SLC24A2: variants seen among roughly 807,000 people sequenced by gnomAD.
SLC24A2 encodes solute carrier family 24 member 2.
Under a neutral mutation model 62.0 loss-of-function variants are expected in SLC24A2, and 36 were observed. The ratio of observed to expected loss-of-function variants is 0.58; its 90% confidence interval spans 0.44 to 0.77. The LOEUF is 0.77. Ranked by LOEUF, SLC24A2 falls within the 30% of genes least tolerant of loss-of-function variation. The probability of loss-of-function intolerance (pLI) is 0.00; values close to 1 mark genes in which losing one functional copy is unlikely to be tolerated. For synonymous variants in SLC24A2, 358 were observed against 294.0 expected (o/e 1.22, Z -2.23); for missense variants, 846 against 817.9 (o/e 1.03, Z -0.42).
At chr9:19,995,546 C>T in the SLC24A2 span, among the ~76,000 whole-genome samples, 1 of 152,202 alleles carries the variant, frequency 6.6e-6, no homozygotes, top group Non-Finnish European at 1.5e-5. Context: ...AGCCAACTCC[C>T]TCCTACTAGC....
intron 7 of SLC24A2, among the ~76,000 whole-genome samples, chr9:19,553,309 T>C (rs1834932124): frequency 6.6e-6 from 1 of 152,182 alleles, no homozygotes; most frequent in Non-Finnish European, 1.5e-5. Flanking sequence ...TTTCCAACTT[T>C]TCCTAGAGTT....
the SLC24A2 span, among the ~76,000 whole-genome samples, chr9:19,827,202 TCAGC>T: frequency 2.6e-5 from 4 of 152,172 alleles, no homozygotes; most frequent in Admixed American, 6.5e-5. Flanking sequence ...AGGCCGTGCA[TCAGC>T]TTTGGTCTGT....
chr9:20,261,071 G>A, the SLC24A2 span, among the ~76,000 whole-genome samples: 1 of 151,742 alleles, frequency 6.6e-6, no homozygotes, highest in African/African-American at 2.4e-5. Flanking sequence ...GGCCAGGATG[G>A]TCTCGATCTC....
chr9:19,883,432 G>C, the SLC24A2 span, among the ~76,000 whole-genome samples: 11 of 152,134 alleles, frequency 7.2e-5, no homozygotes. Flanking sequence ...CCAGACTGTA[G>C]CATTTTGTAG....
chr9:19,724,054 C>A (rs968964400), intron 2 of SLC24A2, among the ~76,000 whole-genome samples: 4 of 152,116 alleles, frequency 2.6e-5, no homozygotes, highest in African/African-American at 9.7e-5. Context: ...AATGTCAACA[C>A]CATTATAATT....
the SLC24A2 span, among the ~76,000 whole-genome samples, chr9:20,090,101 C>A: frequency 6.6e-6 from 1 of 152,100 alleles, no homozygotes; most frequent in East Asian, 1.9e-4. Context: ...AGCAGCTGAC[C>A]CAAGGAGAGG....
the SLC24A2 span, among the ~76,000 whole-genome samples, chr9:20,249,868 C>A: frequency 5.9e-5 from 9 of 152,114 alleles, no homozygotes; most frequent in Non-Finnish European, 1.2e-4. Context: ...CTCTTACACC[C>A]AGAAAATAAG....
intron 2 of SLC24A2, among the ~76,000 whole-genome samples, chr9:19,684,324 G>A (rs1819813078): frequency 1.3e-5 from 2 of 152,054 alleles, no homozygotes; most frequent in South Asian, 2.1e-4. Flanking sequence ...CCTCTTCAAG[G>A]AAGTTCTTCT....
chr9:19,552,414 G>A (rs964112511), intron 7 of SLC24A2, among the ~76,000 whole-genome samples: 1 of 152,166 alleles, frequency 6.6e-6, no homozygotes, highest in African/African-American at 2.4e-5. Flanking sequence ...TAACCCAAAT[G>A]AATGACTTTC....
At chr9:19,649,295 CT>C (rs973125792) in intron 2 of SLC24A2, among the ~76,000 whole-genome samples, 17 of 149,554 alleles carry the variant, frequency 1.1e-4, no homozygotes, top group South Asian at 2.1e-4. Context: ...AAGTATTCAA[CT>C]TTTTTTTTTC....
chr9:19,771,016 G>A (rs1435758293), intron 2 of SLC24A2, among the ~76,000 whole-genome samples: 5 of 152,242 alleles, frequency 3.3e-5, no homozygotes, highest in East Asian at 1.9e-4. Flanking sequence ...ATGGTGGTAC[G>A]GTATTCTAAG....
At chr9:19,664,132 A>C (rs1424169959) in intron 2 of SLC24A2, among the ~76,000 whole-genome samples, 1 of 152,222 alleles carries the variant, frequency 6.6e-6, no homozygotes, top group East Asian at 1.9e-4. Context: ...CCCTTGGATA[A>C]ACCTAAAATC....
At chr9:19,902,065 G>A in the SLC24A2 span, among the ~76,000 whole-genome samples, 1 of 152,172 alleles carries the variant, frequency 6.6e-6, no homozygotes, top group Admixed American at 6.5e-5. Context: ...CCCTTGCCTG[G>A]CACAGCCTTA....
chr9:20,161,347 G>A, the SLC24A2 span, among the ~76,000 whole-genome samples: 1 of 151,252 alleles, frequency 6.6e-6, no homozygotes, highest in Non-Finnish European at 1.5e-5. Context: ...TTGTTTTAGA[G>A]CACAGAAAAT....
chr9:20,046,665 G>C, the SLC24A2 span, among the ~76,000 whole-genome samples: 1 of 152,170 alleles, frequency 6.6e-6, no homozygotes, highest in South Asian at 2.1e-4. Flanking sequence ...TTCAGAATGA[G>C]AGAAAAACAG....
the SLC24A2 span, among the ~76,000 whole-genome samples, chr9:20,226,559 T>G: frequency 6.6e-6 from 1 of 152,100 alleles, no homozygotes; most frequent in South Asian, 2.1e-4. Flanking sequence ...CAGAGATGAA[T>G]TGTGTGCCTA....
At chr9:19,870,103 C>A in the SLC24A2 span, among the ~76,000 whole-genome samples, 1 of 152,092 alleles carries the variant, frequency 6.6e-6, no homozygotes, top group East Asian at 1.9e-4. Context: ...TACTGTTCTG[C>A]GGCCACCACC....
At chr9:20,048,179 T>C in the SLC24A2 span, among the ~76,000 whole-genome samples, 1 of 152,244 alleles carries the variant, frequency 6.6e-6, no homozygotes, top group African/African-American at 2.4e-5. Flanking sequence ...GTCCCCTTAG[T>C]ACTATGAGTG....
the SLC24A2 span, among the ~76,000 whole-genome samples, chr9:19,870,241 G>A: frequency 6.6e-6 from 1 of 151,904 alleles, no homozygotes; most frequent in South Asian, 2.1e-4. Context: ...CTATGGATTT[G>A]CCTATTCTAG....
Sources: gnomAD v4.1 joint callset for allele counts (sites outside exome capture counted in the v4.1 genomes callset) on GRCh38, gnomAD v4.1.1 for gene constraint, MANE v1.5 for transcripts, NCBI Gene and HGNC (gene_info 2026-07-23, HGNC 2026-07-21) for gene names.